The following ACOT9 variants were observed in gnomAD, a reference collection of about 807,000 sequenced individuals.
ACOT9 encodes acyl-coenzyme A thioesterase 9, mitochondrial.
Under a neutral mutation model 39.7 loss-of-function variants are expected in ACOT9, and 34 were observed. The ratio of observed to expected loss-of-function variants is 0.86; its 90% CI spans 0.65 to 1.14. ACOT9 has a LOEUF of 1.14. ACOT9 is among the 50% of genes most tolerant of loss of function. ACOT9 has a pLI of 0.00. For synonymous variants in ACOT9, 110 were observed against 120.5 expected (o/e 0.91, Z 0.57); for missense variants, 313 against 344.1 (o/e 0.91, Z 0.71).
chrX:23,737,131 G>A (rs762223298), intron 1 of ACOT9, among the ~76,000 whole-genome samples: 9 of 110,934 alleles, frequency 8.1e-5, no homozygotes, highest in Non-Finnish European at 1.5e-4. Flanking sequence ...TGGCCAACAT[G>A]GTGAAACACT....
chrX:23,709,458 A>C (rs1928820392), intron 9 of ACOT9, among the ~76,000 whole-genome samples: 1 of 112,384 alleles, frequency 8.9e-6, no homozygotes, highest in African/African-American at 3.2e-5. Flanking sequence ...GCTGGGAGTG[A>C]AACTTGCAGC....
chrX:23,712,278 G>A (rs1439517958), intron 9 of ACOT9, among the ~76,000 whole-genome samples: 2 of 108,061 alleles, frequency 1.9e-5, no homozygotes, highest in Non-Finnish European at 3.8e-5. Context: ...GGTGGCACAT[G>A]CCTGTAATCC....
At chrX:23,731,752 G>C (rs1359757286) in intron 4 of ACOT9, among the ~76,000 whole-genome samples, 1 of 109,814 alleles carries the variant, frequency 9.1e-6, no homozygotes, top group Non-Finnish European at 1.9e-5. Context: ...TTTCAGGAAA[G>C]AGAGACAGAG....
At chrX:23,730,502 A>G (rs1285388166) in intron 6 of ACOT9, 25 bp downstream of exon 6, 9 of 1,163,819 alleles carry the variant, frequency 7.7e-6, no homozygotes, top group African/African-American at 1.8e-5. Flanking sequence ...GGTATCTATT[A>G]GAAAGACTAA....
intron 10 of ACOT9, chrX:23,707,062 G>A (rs945182198): frequency 6.4e-5 from 9 of 141,421 alleles, no homozygotes; most frequent in South Asian, 2.6e-4. Context: ...TTTGGGAGGC[G>A]GAGGCAGGAG....
Position 23,721,866 on chromosome X carries a change from C to T in ACOT9, c.588+15G>A, listed in dbSNP as rs758630252. ...TTTTACTTAAACAGTGGACAATCTT[C>T]AGGCGCATATTTACCTGGAACATTT... On this transcript the variant is annotated intron_variant, in intron 8 of 15. Transcript: ENST00000379303. The T allele has an allele frequency of 5.3e-5, 62 of 1,180,720 alleles. No individual in the cohort carries two copies. In the Admixed American group the frequency reaches 5.4e-4, roughly 10 times the overall value.
rs769283737 is a variant in ACOT9, at chrX:23,730,961, T to G, written c.217A>C (p.Arg73=). 2.5e-6 allele frequency: 3 copies of G among 1,210,257 alleles called. No homozygotes were observed. The highest frequency in any genetic ancestry group is 1.8e-5 in the South Asian group (1 of 56,618). Residue 73 remains arginine, a synonymous_variant, in exon 5 of 16, where the codon AGG becomes CGG. Transcript: ENST00000379303. ...WRDHVKAMEE[R]KLLHSFLAKS... The stretch of plus-strand genomic sequence containing the variant: ...GCCAAGAAACTATGAAGTAATTTCC[T>G]TTCTTCCATTGCCTTCACATGGTCT...
At chrX:23,732,989 C>G (rs779752713) in intron 4 of ACOT9, among the ~76,000 whole-genome samples, 183 bp downstream of exon 4, 1 of 111,988 alleles carries the variant, frequency 8.9e-6, no homozygotes, top group East Asian at 2.8e-4. Flanking sequence ...TCTTTCATGA[C>G]AATGAGGTGT....
At chrX:23,714,627 T>G (rs968992405) in intron 8 of ACOT9, among the ~76,000 whole-genome samples, 1 of 111,254 alleles carries the variant, frequency 9.0e-6, no homozygotes, top group Non-Finnish European at 1.9e-5. Flanking sequence ...AAGATGTTTC[T>G]TTTTTTCTCT....
intron 2 of ACOT9, among the ~76,000 whole-genome samples, chrX:23,734,911 G>A (rs1333966168): frequency 9.8e-6 from 1 of 102,493 alleles, no homozygotes; most frequent in Admixed American, 1.1e-4. Flanking sequence ...GAACCTGGGA[G>A]GCGGAGGTTG....
At chrX:23,735,865 A>G (rs1192314088) in intron 2 of ACOT9, 54 bp downstream of exon 2, 1 of 1,073,163 alleles carries the variant, frequency 9.3e-7, no homozygotes, top group Non-Finnish European at 1.3e-6. Flanking sequence ...TTTCAAATAA[A>G]AGTAAAACAA....
intron 1 of ACOT9, among the ~76,000 whole-genome samples, chrX:23,741,834 C>T (rs66827984): frequency 0.024 from 2,690 of 110,780 alleles, 83 homozygotes; most frequent in African/African-American, 0.083. Context: ...ACCACCACTC[C>T]CGGCTAATTT....
In ACOT9 at chrX:23,705,544, T is replaced by C. The variant is rs1292601916; in HGVS notation, c.984A>G (p.Ala328=). ...AAGCAGTAGCCCACGCAAGTTCATA[T>C]GCCTTCCTCATAAGGAAACCACCAA... ...RIFGGFLMRK[A]YELAWATACS... is the part of the protein sequence containing the mutation. Residue 328 remains alanine (A), a synonymous_variant, in exon 13 of 16, where the codon GCA becomes GCG. Coordinates refer to ENST00000379303, the MANE Select transcript of ACOT9 (RefSeq NM_001037171.2). 1 of 1,211,383 alleles carries C rather than the reference T, an allele frequency of 8.3e-7. No individual in the cohort carries two copies. Among genetic ancestry groups the C allele is most frequent in the Admixed American group, 2.2e-5 (1 of 45,871 alleles).
rs890463261 is a variant in ACOT9 at position 23,703,781 on chromosome X, T to C, written c.*113A>G. ...ATCATCCTAAAGGCTGAATACATCC[T>C]CCTCCTGTGTGGAGGACACGAAGCA... On this transcript the variant is annotated 3_prime_UTR_variant, in exon 16 of 16. Transcript: ENST00000379303. 1.7e-6 allele frequency: 1 copy of C among 573,713 alleles called. No homozygotes were observed. The highest frequency in any genetic ancestry group is 2.9e-6 in the Non-Finnish European group (1 of 349,522). 47.3% of individuals were successfully genotyped at this position (573,713 alleles called of 1,213,427 possible).
intron 1 of ACOT9, 83 bp from the exon 2 acceptor site, chrX:23,736,099 C>G: frequency 1.4e-6 from 1 of 736,187 alleles, no homozygotes; most frequent in Admixed American, 2.9e-5. Flanking sequence ...CCCAGAGTAT[C>G]TGGCCATATC....
chrX:23,708,038 G>A, intron 9 of ACOT9, 94 bp from the exon 10 acceptor site: 1 of 821,577 alleles, frequency 1.2e-6, no homozygotes, highest in South Asian at 2.7e-5. Context: ...TAAAGAATCT[G>A]CTTTTCATTT....
rs1929130321 is a variant in ACOT9 at position 23,717,658 on chromosome X, A to G, written c.588+4223T>C. Among the ~76,000 whole-genome samples the G allele has an allele frequency of 2.7e-5, 3 of 111,209 alleles. No individual in the cohort carries two copies. In the Admixed American group the frequency reaches 2.9e-4, roughly 11 times the overall value. ...GAATTGGGGCCAATCAGTTTGGAACATACTGTTTATTGGAACTTGAGGTAG... is the reference window on the plus strand; with the variant it reads ...GAATTGGGGCCAATCAGTTTGGAACGTACTGTTTATTGGAACTTGAGGTAG... On this transcript the variant is annotated intron_variant, in intron 8 of 15. Coordinates refer to ENST00000379303, the MANE Select transcript of ACOT9 (RefSeq NM_001037171.2).
At chrX:23,725,642 C>A (rs1167384383) in intron 6 of ACOT9, among the ~76,000 whole-genome samples, 1 of 106,146 alleles carries the variant, frequency 9.4e-6, no homozygotes, top group African/African-American at 3.4e-5. Context: ...ACATGGCAGA[C>A]CTTGTCTCTA....
chrX:23,720,282 A>G (rs1006453419), intron 8 of ACOT9, among the ~76,000 whole-genome samples: 2 of 112,203 alleles, frequency 1.8e-5, no homozygotes, highest in Non-Finnish European at 3.8e-5. Flanking sequence ...TCATCAGATT[A>G]GCTGTTCCTA....
Sources: gnomAD v4.1 joint callset for allele counts (sites outside exome capture counted in the v4.1 genomes callset) on GRCh38, gnomAD v4.1.1 for gene constraint, MANE v1.5 for transcripts, NCBI Gene and HGNC (gene_info 2026-07-23, HGNC 2026-07-21) for gene names.